OXSR1: variants seen among roughly 807,000 people sequenced by gnomAD.
OXSR1 encodes oxidative stress responsive kinase 1, also known as serine/threonine-protein kinase OSR1.
A neutral mutation model predicts 79.8 loss-of-function variants in OXSR1; 24 were observed. That is an observed-to-expected ratio of 0.30 (90% CI 0.22 to 0.42). The LOEUF is 0.42. Ranked by LOEUF, OXSR1 falls within the 10% of genes least tolerant of loss-of-function variation. OXSR1 has a pLI of 1.00. For missense variants in OXSR1, 430 were observed against 618.4 expected (o/e 0.70, Z 3.23); for synonymous variants, 226 against 209.2 (o/e 1.08, Z -0.69).
chr3:38,239,858 T>C (rs778181893), intron 11 of OXSR1, among the ~76,000 whole-genome samples: 4 of 152,176 alleles, frequency 2.6e-5, no homozygotes, highest in Non-Finnish European at 4.4e-5. Context: ...CACCTCCCTG[T>C]GCCACAGCTT....
At chr3:38,203,701 C>CT (rs1702212388) in intron 4 of OXSR1, among the ~76,000 whole-genome samples, 1 of 152,120 alleles carries the variant, frequency 6.6e-6, no homozygotes, top group African/African-American at 2.4e-5. Flanking sequence ...CTCTCTGTCT[C>CT]TGGGCGGAGC....
Position 38,178,618 on chromosome 3 carries a change from A to AT in OXSR1, c.71-4384dup, listed in dbSNP as rs1309546030. On this transcript the variant is annotated intron_variant, in intron 1 of 17. Transcript: ENST00000311806. ...CATATCCAGCTATATATATATATAT[A>AT]TATTTTTTTTTTTTTTTTTTTTTCT... Among the ~76,000 whole-genome samples the AT allele has an allele frequency of 1.3e-3, 112 of 86,694 alleles. 2 individuals are homozygous for AT. The highest frequency in any genetic ancestry group is 0.012 in the South Asian group (35 of 2,824). 56.9% of individuals were successfully genotyped at this position (86,694 alleles called of 152,430 possible).
chr3:38,210,494 A>G (rs755644115), intron 4 of OXSR1, among the ~76,000 whole-genome samples: 1 of 152,016 alleles, frequency 6.6e-6, no homozygotes, highest in Non-Finnish European at 1.5e-5. Context: ...TCTCCTGTCT[A>G]TACCCCGAGA....
intron 4 of OXSR1, among the ~76,000 whole-genome samples, chr3:38,212,124 C>G (rs1310382746): frequency 6.6e-6 from 1 of 151,782 alleles, no homozygotes; most frequent in Admixed American, 6.6e-5. Context: ...TTTAAAAGTT[C>G]CCTGGGTAAT....
chr3:38,198,931 C>T (rs1022062302), intron 4 of OXSR1, 68 bp downstream of exon 4: 14 of 1,352,780 alleles, frequency 1.0e-5, no homozygotes, highest in Admixed American at 1.8e-5. Context: ...TTTACAGAAT[C>T]GTGATCTCTG....
Position 38,187,102 on chromosome 3 carries a change from C to A in OXSR1, c.184-3629C>A, listed in dbSNP as rs111452892. Among the ~76,000 whole-genome samples, 383 of 152,194 alleles carry A rather than the reference C, an allele frequency of 2.5e-3. 4 individuals carry two copies. Among genetic ancestry groups the A allele is most frequent in the African/African-American group, 7.9e-3 (326 of 41,522 alleles). On this transcript the variant is annotated intron_variant, in intron 2 of 17. Coordinates refer to ENST00000311806, the MANE Select transcript of OXSR1 (RefSeq NM_005109.3). ...TTGGTAGGCTTTGCTGTGGTCTAGA[C>A]CAACAACTTTATAAAACTTTGAAAA...
At chr3:38,175,501 G>C (rs929868432) in intron 1 of OXSR1, among the ~76,000 whole-genome samples, 2 of 152,084 alleles carry the variant, frequency 1.3e-5, no homozygotes, top group African/African-American at 2.4e-5. Context: ...GGGTTTTACT[G>C]TGTTGGCCAG....
At chr3:38,195,765 A>G (rs1354321365) in intron 3 of OXSR1, among the ~76,000 whole-genome samples, 1 of 152,182 alleles carries the variant, frequency 6.6e-6, no homozygotes, top group Non-Finnish European at 1.5e-5. Flanking sequence ...ATATTCTGTA[A>G]TGATTTTATT....
At chr3:38,223,991 T>C in intron 7 of OXSR1, 78 bp downstream of exon 7, 1 of 828,140 alleles carries the variant, frequency 1.2e-6, no homozygotes, top group Non-Finnish European at 1.9e-6. Flanking sequence ...CTTTTAATTT[T>C]TTTTTTATTG....
intron 4 of OXSR1, among the ~76,000 whole-genome samples, chr3:38,207,836 A>G (rs1173907224): frequency 1.3e-5 from 2 of 151,358 alleles, no homozygotes; most frequent in Admixed American, 1.3e-4. Context: ...TGTCCCCAGT[A>G]AAAATTTCTT....
intron 1 of OXSR1, among the ~76,000 whole-genome samples, chr3:38,176,063 A>G (rs984618553): frequency 1.7e-4 from 26 of 152,190 alleles, no homozygotes; most frequent in Non-Finnish European, 3.1e-4. Flanking sequence ...AAAACATCCT[A>G]TTATAGCAGA....
At chr3:38,234,096 A>C (rs1702869290) in intron 10 of OXSR1, among the ~76,000 whole-genome samples, 1 of 152,188 alleles carries the variant, frequency 6.6e-6, no homozygotes, top group Admixed American at 6.5e-5. Context: ...ACAAAAAATT[A>C]ACTCAAAATG....
intron 4 of OXSR1, among the ~76,000 whole-genome samples, chr3:38,200,335 G>T (rs1303514672): frequency 6.6e-6 from 1 of 152,150 alleles, no homozygotes; most frequent in Non-Finnish European, 1.5e-5. Flanking sequence ...CCCAGTCTGA[G>T]TTATAGCAGA....
At chr3:38,213,945 C>T (rs1334472958) in intron 4 of OXSR1, among the ~76,000 whole-genome samples, 6 of 152,114 alleles carry the variant, frequency 3.9e-5, no homozygotes, top group African/African-American at 1.4e-4. Context: ...AGTTCCATGT[C>T]AACATGTATG....
chr3:38,172,856 T>C (rs551147443), intron 1 of OXSR1, among the ~76,000 whole-genome samples: 1 of 152,350 alleles, frequency 6.6e-6, no homozygotes, highest in East Asian at 1.9e-4. Flanking sequence ...TTCCCCCTTA[T>C]ATAACAAGAA....
At chr3:38,185,758 C>T (rs189430100) in intron 2 of OXSR1, among the ~76,000 whole-genome samples, 12 of 151,950 alleles carry the variant, frequency 7.9e-5, no homozygotes, top group South Asian at 2.1e-4. Flanking sequence ...GCCGGGGCAA[C>T]GTGGTGAGAC....
At chr3:38,185,214 C>G (rs894669260) in intron 2 of OXSR1, among the ~76,000 whole-genome samples, 1 of 152,006 alleles carries the variant, frequency 6.6e-6, no homozygotes, top group African/African-American at 2.4e-5. Context: ...AAATCTCTCA[C>G]TAAAGCGACA....
At chr3:38,201,315 C>T (rs1175249219) in intron 4 of OXSR1, among the ~76,000 whole-genome samples, 4 of 152,050 alleles carry the variant, frequency 2.6e-5, no homozygotes, top group African/African-American at 9.7e-5. Context: ...CGCCTATAAT[C>T]CCAGCACTTT....
At position 38,179,807 on chromosome 3, in the gene OXSR1, TC is replaced by T. The variant is rs371471338; in HGVS notation, c.71-3195del. Among the ~76,000 whole-genome samples, 324 of 149,712 alleles carry T rather than the reference TC, an allele frequency of 2.2e-3. 2 individuals carry two copies. The highest frequency in any genetic ancestry group is 7.6e-3 in the African/African-American group (308 of 40,702). ...TCCATCTGCATTTGATTGGAAATAATCTTTTTTTTTTTTTTCCCCAAAATAG... is the reference window on the plus strand; with the variant it reads ...TCCATCTGCATTTGATTGGAAATAATTTTTTTTTTTTTTTCCCCAAAATAG... On this transcript the variant is annotated intron_variant, in intron 1 of 17. Coordinates refer to ENST00000311806, the MANE Select transcript of OXSR1 (RefSeq NM_005109.3).
Sources: allele counts gnomAD v4.1 joint callset (sites outside exome capture counted in the v4.1 genomes callset), GRCh38; gene constraint gnomAD v4.1.1; transcripts MANE v1.5; gene names NCBI Gene and HGNC (gene_info 2026-07-23, HGNC 2026-07-21).